Variants in STPG2 observed in about 807,000 individuals in gnomAD.
The protein encoded by STPG2 is sperm tail PG-rich repeat containing 2.
A neutral mutation model predicts 54.2 loss-of-function variants in STPG2; 56 were observed. The observed-to-expected ratio is 1.03, with a 90% CI of 0.83 to 1.29. STPG2 has a LOEUF of 1.29. Among genes scored for constraint, STPG2 ranks in the 50% most tolerant of loss-of-function variants. STPG2 has a pLI of 0.00. For synonymous variants in STPG2, 200 were observed against 181.8 expected, an observed-to-expected ratio of 1.10 and a Z score of -0.81; for missense variants, 596 against 544.9, an observed-to-expected ratio of 1.09 and a Z score of -0.93.
At chr4:97,497,489 C>T (rs950003252) in intron 4 of STPG2, among the ~76,000 whole-genome samples, 15 of 151,796 alleles carry the variant, frequency 9.9e-5, no homozygotes, top group African/African-American at 2.7e-4. Context: ...CATCTACCAA[C>T]GGAAATCTCC....
chr4:97,533,132 C>T (rs1242452921), intron 4 of STPG2, among the ~76,000 whole-genome samples: 5 of 152,200 alleles, frequency 3.3e-5, no homozygotes, highest in East Asian at 1.9e-4. Flanking sequence ...CCCCCCGCCT[C>T]GGCCTCCCAA....
chr4:97,444,825 C>T (rs192493752), intron 4 of STPG2, among the ~76,000 whole-genome samples: 7 of 152,166 alleles, frequency 4.6e-5, no homozygotes, highest in African/African-American at 1.4e-4. Context: ...GTCAGGAGAT[C>T]GAGACCATCC....
chr4:97,455,316 G>A (rs1201795550), intron 4 of STPG2, among the ~76,000 whole-genome samples: 1 of 152,126 alleles, frequency 6.6e-6, no homozygotes, highest in Non-Finnish European at 1.5e-5. Context: ...ATTTGTTTTT[G>A]TGTCCAAATG....
At chr4:97,717,004 C>T (rs1333237097) in intron 9 of STPG2, among the ~76,000 whole-genome samples, 2 of 152,070 alleles carry the variant, frequency 1.3e-5, no homozygotes, top group Non-Finnish European at 2.9e-5. Flanking sequence ...TATTCTTCAG[C>T]TTTACAAATG....
intron 2 of STPG2, among the ~76,000 whole-genome samples, chr4:98,129,279 A>G (rs13138059): frequency 0.39 from 59,927 of 151,808 alleles, 12,043 homozygotes; most frequent in Middle Eastern, 0.46. Context: ...TATACTATCT[A>G]CTATGCAAAA....
At chr4:97,992,894 G>A (rs1735066062) in intron 5 of STPG2, among the ~76,000 whole-genome samples, 1 of 152,044 alleles carries the variant, frequency 6.6e-6, no homozygotes, top group Non-Finnish European at 1.5e-5. Context: ...AATCACTGTT[G>A]GTATAAGCAG....
At chr4:98,063,172 T>A (rs1317186530) in intron 5 of STPG2, among the ~76,000 whole-genome samples, 1 of 152,092 alleles carries the variant, frequency 6.6e-6, no homozygotes, top group Non-Finnish European at 1.5e-5. Context: ...CAATCTAGGC[T>A]GGGCACGGTG....
At chr4:97,740,319 C>T (rs202061013) in intron 9 of STPG2, among the ~76,000 whole-genome samples, 58,983 of 151,826 alleles carry the variant, frequency 0.39, 11,599 homozygotes, top group Middle Eastern at 0.45. Flanking sequence ...AGGGATGCCC[C>T]CTCTCACCAC....
intron 4 of STPG2, among the ~76,000 whole-genome samples, chr4:97,500,925 G>A (rs1321619525): frequency 5.9e-5 from 9 of 152,070 alleles, no homozygotes; most frequent in Admixed American, 6.6e-5. Context: ...GCAGTAAATG[G>A]AGACAGGGGT....
chr4:97,599,606 C>A (rs188845025), intron 10 of STPG2, among the ~76,000 whole-genome samples: 231 of 151,940 alleles, frequency 1.5e-3, no homozygotes, highest in African/African-American at 5.2e-3. Flanking sequence ...GGCAGATCAT[C>A]AGGTCAGGAG....
chr4:97,947,572 T>C (rs1358023175), intron 7 of STPG2, among the ~76,000 whole-genome samples: 1 of 152,158 alleles, frequency 6.6e-6, no homozygotes, highest in Non-Finnish European at 1.5e-5. Flanking sequence ...TAATTTGAAC[T>C]AAGTCCCTTT....
At chr4:97,762,984 TC>T (rs1329895792) in intron 9 of STPG2, among the ~76,000 whole-genome samples, 1 of 152,156 alleles carries the variant, frequency 6.6e-6, no homozygotes, top group Non-Finnish European at 1.5e-5. Flanking sequence ...TGGATACAAA[TC>T]TTAACATACC....
intron 10 of STPG2, among the ~76,000 whole-genome samples, chr4:97,645,327 G>T (rs1056553430): frequency 1.3e-5 from 2 of 151,334 alleles, no homozygotes; most frequent in African/African-American, 4.9e-5. Context: ...AAAGAATTCA[G>T]CAGTACAGCA....
At chr4:97,849,405 C>A (rs1460457207) in intron 8 of STPG2, among the ~76,000 whole-genome samples, 2 of 151,770 alleles carry the variant, frequency 1.3e-5, no homozygotes, top group Admixed American at 6.6e-5. Flanking sequence ...GCAACAAAAG[C>A]CAAAATTGAC....
chr4:98,041,459 C>T (rs1736954561), intron 5 of STPG2, among the ~76,000 whole-genome samples: 1 of 151,808 alleles, frequency 6.6e-6, no homozygotes, highest in African/African-American at 2.4e-5. Context: ...ATGATGTTGG[C>T]TGTGGGTTTG....
chr4:97,561,277 T>G (rs1012949188), intron 10 of STPG2, among the ~76,000 whole-genome samples: 1 of 152,182 alleles, frequency 6.6e-6, no homozygotes, highest in African/African-American at 2.4e-5. Context: ...TCATGTCCTT[T>G]GCCCACTTTT....
intron 10 of STPG2, among the ~76,000 whole-genome samples, chr4:97,613,769 T>G (rs1210700836): frequency 6.6e-6 from 1 of 152,078 alleles, no homozygotes; most frequent in African/African-American, 2.4e-5. Flanking sequence ...TTTCTCCAGT[T>G]TTGACCATTT....
intron 8 of STPG2, among the ~76,000 whole-genome samples, chr4:97,859,020 TAA>T (rs1173997308): frequency 6.6e-6 from 1 of 152,246 alleles, no homozygotes; most frequent in Non-Finnish European, 1.5e-5. Flanking sequence ...AACAGCAGTG[TAA>T]AAGTGTTTCC....
At chr4:97,701,844 C>A (rs1256089100) in intron 10 of STPG2, among the ~76,000 whole-genome samples, 1 of 152,164 alleles carries the variant, frequency 6.6e-6, no homozygotes, top group African/African-American at 2.4e-5. Flanking sequence ...GACCACTTTG[C>A]CTTTGACAGT....
Sources: allele counts gnomAD v4.1 joint callset (sites outside exome capture counted in the v4.1 genomes callset), GRCh38; gene constraint gnomAD v4.1.1; transcripts MANE v1.5; gene names NCBI Gene and HGNC (gene_info 2026-07-23, HGNC 2026-07-21).